The following FRMD6 variants were observed in gnomAD, a reference collection of about 807,000 sequenced individuals.
FRMD6 encodes the protein FERM domain-containing protein 6.
A neutral mutation model predicts 73.2 loss-of-function variants in FRMD6; 37 were observed. The ratio of observed to expected loss-of-function variants is 0.51; its 90% CI spans 0.39 to 0.66. The LOEUF is 0.66. Ranked by LOEUF, FRMD6 falls within the 30% of genes least tolerant of loss-of-function variation. The probability of loss-of-function intolerance (pLI) is 0.00; values close to 1 mark genes in which losing one functional copy is unlikely to be tolerated. For missense variants in FRMD6, 714 were observed against 780.5 expected, an observed-to-expected ratio of 0.91 and a Z score of 1.02; for synonymous variants, 273 against 282.2, an observed-to-expected ratio of 0.97 and a Z score of 0.33.
chr14:51,624,714 G>A (rs1198901904), intron 2 of FRMD6, among the ~76,000 whole-genome samples: 1 of 152,204 alleles, frequency 6.6e-6, no homozygotes, highest in Non-Finnish European at 1.5e-5. Context: ...CTGAAGCTCA[G>A]AGGGATGTTT....
the FRMD6 span, among the ~76,000 whole-genome samples, chr14:51,439,240 G>T: frequency 6.6e-6 from 1 of 152,128 alleles, no homozygotes; most frequent in Non-Finnish European, 1.5e-5. Context: ...TTCTGTATAG[G>T]TCTCTGTTTA....
At chr14:51,672,418 C>T (rs1894075906) in intron 1 of FRMD6, among the ~76,000 whole-genome samples, 1 of 152,096 alleles carries the variant, frequency 6.6e-6, no homozygotes, top group Non-Finnish European at 1.5e-5. Context: ...AGGCATTCAC[C>T]CTACAGTCCT....
the FRMD6 span, among the ~76,000 whole-genome samples, chr14:51,460,708 GAT>G: frequency 6.6e-6 from 1 of 152,174 alleles, no homozygotes; most frequent in Non-Finnish European, 1.5e-5. Context: ...AAGAGCAAGT[GAT>G]ATGTTTCCTG....
intron 1 of FRMD6, among the ~76,000 whole-genome samples, chr14:51,653,619 G>A (rs777639682): frequency 8.5e-5 from 13 of 152,220 alleles, no homozygotes; most frequent in Non-Finnish European, 1.3e-4. Context: ...AGGATGGAGA[G>A]TGGGGGAGGG....
At chr14:51,657,827 GA>G (rs139348406) in intron 1 of FRMD6, among the ~76,000 whole-genome samples, 1,857 of 152,292 alleles carry the variant, frequency 0.012, 45 homozygotes, top group African/African-American at 0.042. Context: ...ATACCAACTA[GA>G]TATCACCAGA....
chr14:51,595,772 AAAC>A, intron 2 of FRMD6, among the ~76,000 whole-genome samples: 1 of 152,366 alleles, frequency 6.6e-6, no homozygotes, highest in South Asian at 2.1e-4. Context: ...ATTTTTCAGT[AAAC>A]AACAGTTTGC....
chr14:51,486,103 C>G (rs895865811), upstream of FRMD6, among the ~76,000 whole-genome samples: 6 of 150,502 alleles, frequency 4.0e-5, no homozygotes, highest in African/African-American at 1.2e-4. Flanking sequence ...GGCGCGATTT[C>G]GGCTCACTGC....
chr14:51,478,285 A>G, the FRMD6 span, among the ~76,000 whole-genome samples: 3 of 152,266 alleles, frequency 2.0e-5, no homozygotes, highest in Non-Finnish European at 2.9e-5. Flanking sequence ...GCGGAAAGAT[A>G]CAAGATATAT....
the FRMD6 span, chr14:51,454,792 A>T: frequency 8.6e-5 from 13 of 151,338 alleles, no homozygotes; most frequent in Non-Finnish European, 1.6e-4. Flanking sequence ...TGATGTGATT[A>T]CTCTCCATTC....
the FRMD6 span, among the ~76,000 whole-genome samples, chr14:51,466,598 T>G: frequency 6.6e-6 from 1 of 152,240 alleles, no homozygotes; most frequent in Non-Finnish European, 1.5e-5. Context: ...TCTATTCTAT[T>G]TATTGATGTA....
chr14:51,641,195 G>T (rs1281992988), intron 2 of FRMD6, among the ~76,000 whole-genome samples: 1 of 152,050 alleles, frequency 6.6e-6, no homozygotes, highest in Non-Finnish European at 1.5e-5. Context: ...TGGCCAGGCT[G>T]GTCTTGAACT....
chr14:51,467,560 A>C, the FRMD6 span, among the ~76,000 whole-genome samples: 95,709 of 148,640 alleles, frequency 0.64, 30,453 homozygotes, highest in East Asian at 0.8. Flanking sequence ...AGGCGCCCCC[A>C]ACCTCCCGGA....
the FRMD6 span, among the ~76,000 whole-genome samples, chr14:51,398,434 T>C: frequency 4.3e-4 from 66 of 152,278 alleles, no homozygotes; most frequent in African/African-American, 1.5e-3. Flanking sequence ...TCTTAGCAAC[T>C]TACTCAAGAA....
the FRMD6 span, among the ~76,000 whole-genome samples, chr14:51,404,097 A>T: frequency 6.6e-6 from 1 of 152,134 alleles, no homozygotes; most frequent in Admixed American, 6.5e-5. Flanking sequence ...TATTTTTAGA[A>T]TTTTTAATTT....
chr14:51,539,367 A>G (rs772149065), intron 1 of FRMD6, among the ~76,000 whole-genome samples: 1 of 152,088 alleles, frequency 6.6e-6, no homozygotes, highest in Non-Finnish European at 1.5e-5. Flanking sequence ...CATTTGTGTT[A>G]TATTTTGACC....
chr14:51,642,939 G>C (rs1015645500), intron 2 of FRMD6, among the ~76,000 whole-genome samples: 2 of 152,178 alleles, frequency 1.3e-5, no homozygotes, highest in African/African-American at 4.8e-5. Context: ...GAGATTAACT[G>C]AGAAGAGTCA....
the FRMD6 span, among the ~76,000 whole-genome samples, chr14:51,418,504 A>G: frequency 3.3e-5 from 5 of 152,212 alleles, no homozygotes; most frequent in Admixed American, 3.3e-4. Context: ...AACAGCAAAT[A>G]TTGCAGAACA....
At chr14:51,587,102 C>T (rs1203906912) in intron 2 of FRMD6, among the ~76,000 whole-genome samples, 1 of 152,114 alleles carries the variant, frequency 6.6e-6, no homozygotes, top group Non-Finnish European at 1.5e-5. Flanking sequence ...CAGTTTTATT[C>T]TTCTGCATGT....
intron 6 of FRMD6, 152 bp downstream of exon 6, chr14:51,705,087 T>A: frequency 1.5e-6 from 1 of 655,238 alleles, no homozygotes; most frequent in Non-Finnish European, 2.6e-6. Flanking sequence ...AAGAACGTGG[T>A]GCACATCATG....
Sources: gnomAD v4.1 joint callset for allele counts (sites outside exome capture counted in the v4.1 genomes callset) on GRCh38, gnomAD v4.1.1 for gene constraint, MANE v1.5 for transcripts, NCBI Gene and HGNC (gene_info 2026-07-23, HGNC 2026-07-21) for gene names.